The following EPC1 variants were observed in gnomAD, a reference collection of about 807,000 sequenced individuals.
EPC1 encodes the protein enhancer of polycomb homolog 1.
Under a neutral mutation model 98.4 loss-of-function variants are expected in EPC1, and 12 were observed. The observed-to-expected ratio is 0.12, with a 90% CI of 0.08 to 0.20. The LOEUF is 0.20. EPC1 is among the 10% of genes least tolerant of loss of function. The pLI, the probability that EPC1 is intolerant of heterozygous loss-of-function variation, is 1.00. For missense variants in EPC1, 729 were observed against 990.5 expected (o/e 0.74, Z 3.54); for synonymous variants, 357 against 363.9 (o/e 0.98, Z 0.21).
intron 2 of EPC1, among the ~76,000 whole-genome samples, chr10:32,296,506 G>C (rs924195622): frequency 5.3e-5 from 8 of 152,176 alleles, no homozygotes; most frequent in Admixed American, 6.5e-5. Flanking sequence ...TCTATCATAT[G>C]AATCAAGGAG....
At chr10:32,359,687 T>C (rs1839382392) in intron 1 of EPC1, among the ~76,000 whole-genome samples, 1 of 152,244 alleles carries the variant, frequency 6.6e-6, no homozygotes, top group Non-Finnish European at 1.5e-5. Context: ...ATTTTTCATA[T>C]GTACAGTATA....
chr10:32,357,240 A>G (rs911247249), intron 1 of EPC1, among the ~76,000 whole-genome samples: 3 of 152,254 alleles, frequency 2.0e-5, no homozygotes. Context: ...TGACTTCTCT[A>G]CATGAATTAC....
At chr10:32,299,832 T>C (rs530799879) in intron 2 of EPC1, among the ~76,000 whole-genome samples, 4 of 152,214 alleles carry the variant, frequency 2.6e-5, no homozygotes, top group South Asian at 4.1e-4. Context: ...GCAAATCTCC[T>C]CATCAAAATT....
rs1836595421 is a variant in EPC1 at position 32,284,912 on chromosome 10, G to C, written c.1530C>G (p.Phe510Leu). ...CTAGTATCTGACTGAGGTCTTTAGA[G>C]AAAGATTTGTCCGAGGTATTTGTTT... is the stretch of plus-strand genomic sequence containing the variant. ...TSETNTSDKS[F>L]SKDLSQILVN... The change falls in exon 10 of 14, where the codon TTC (phenylalanine) becomes TTG (leucine). Residue 510 changes from phenylalanine (F) to leucine (L), a missense_variant. Phe to Leu is a conservative substitution (Grantham distance 22). Around this residue, in one of 6 missense-constraint regions of EPC1, gnomAD observed 390 missense variants for 438.6 expected, o/e 0.89. Transcript: ENST00000319778. 6.2e-7 allele frequency: 1 copy of C among 1,614,170 alleles called. No homozygotes were observed.
At position 32,268,664 on chromosome 10, in the gene EPC1, G is replaced by C. The variant is rs3740237; in HGVS notation, c.*399C>G. ...CACGGCACAATAAATAGATAAAACAGCAGGTTCCGCACCATGCACATGATG... is the reference window on the plus strand; with the variant it reads ...CACGGCACAATAAATAGATAAAACACCAGGTTCCGCACCATGCACATGATG... On this transcript the variant is annotated 3_prime_UTR_variant, in exon 14 of 14. Coordinates refer to ENST00000319778, the MANE Select transcript of EPC1 (RefSeq NM_001272004.3). 17,606 of 153,842 alleles carry C rather than the reference G, an allele frequency of 0.11. 1,363 individuals are homozygous for C. Among genetic ancestry groups the C allele is most frequent in the South Asian group, 0.25 (1,233 of 5,028 alleles). The allele number at this position is 153,842 out of a possible 1,614,324, so 9.5% of individuals were successfully genotyped here. A position where few individuals can be genotyped will look rare whatever the true frequency, so the allele number is the denominator to read the frequency against.
chr10:32,331,828 G>C (rs902980140), intron 1 of EPC1, among the ~76,000 whole-genome samples: 15 of 152,206 alleles, frequency 9.9e-5, no homozygotes, highest in African/African-American at 3.4e-4. Flanking sequence ...TGTACAAGTA[G>C]CCTAAGCACA....
chr10:32,320,423 G>A (rs1323101944), intron 1 of EPC1, among the ~76,000 whole-genome samples: 1 of 152,140 alleles, frequency 6.6e-6, no homozygotes, highest in African/African-American at 2.4e-5. Flanking sequence ...ATCATTAAGT[G>A]TTATGTGAGG....
intron 1 of EPC1, among the ~76,000 whole-genome samples, chr10:32,338,773 T>C (rs1488592104): frequency 1.3e-5 from 2 of 151,942 alleles, no homozygotes; most frequent in Non-Finnish European, 2.9e-5. Context: ...TTCTGTAGTA[T>C]CTTGTTCCAC....
chr10:32,364,403 A>T (rs1839539018), intron 1 of EPC1, among the ~76,000 whole-genome samples: 1 of 152,132 alleles, frequency 6.6e-6, no homozygotes, highest in South Asian at 2.1e-4. Flanking sequence ...CATTTTTATA[A>T]TTAGAGTCAT....
At chr10:32,309,261 A>G (rs1295698217) in intron 1 of EPC1, among the ~76,000 whole-genome samples, 1 of 152,168 alleles carries the variant, frequency 6.6e-6, no homozygotes, top group Non-Finnish European at 1.5e-5. Context: ...CATATTTTAA[A>G]ATAACTAGAA....
intron 1 of EPC1, among the ~76,000 whole-genome samples, chr10:32,343,698 G>GGC (rs1554824225): frequency 6.6e-6 from 1 of 150,778 alleles, no homozygotes. Flanking sequence ...TTATTTTGGG[G>GGC]GGGGGGTGTA....
intron 1 of EPC1, among the ~76,000 whole-genome samples, chr10:32,311,163 A>T (rs1207749484): frequency 6.6e-6 from 1 of 152,016 alleles, no homozygotes; most frequent in Non-Finnish European, 1.5e-5. Context: ...ACAAAAAAAA[A>T]TTAGCCGGGT....
upstream of EPC1, among the ~76,000 whole-genome samples, chr10:32,348,791 C>A (rs1184196468): frequency 3.3e-5 from 5 of 152,150 alleles, no homozygotes; most frequent in Admixed American, 6.5e-5. Flanking sequence ...ATGGCAACTG[C>A]CACACGGCGA....
intron 10 of EPC1, among the ~76,000 whole-genome samples, chr10:32,278,361 GTTTTTTTTTGTTTT>G (rs551073122): frequency 0.21 from 26,050 of 121,914 alleles, 2,388 homozygotes; most frequent in South Asian, 0.33. Flanking sequence ...GTATACTTTG[GTTTTTTTTTGTTTT>G]TTTTTTTTTG....
chr10:32,292,491 A>G lies in EPC1; in HGVS notation c.815+5T>C. The G allele has an allele frequency of 6.4e-7, 1 of 1,557,476 alleles. No individual in the cohort carries two copies. The highest frequency in any genetic ancestry group is 2.3e-5 in the East Asian group (1 of 43,800). On this transcript the variant is annotated splice_donor_5th_base_variant and intron_variant, in intron 5 of 13. Coordinates refer to ENST00000319778, the MANE Select transcript of EPC1 (RefSeq NM_001272004.3). The stretch of plus-strand genomic sequence containing the variant: ...TTCCTCTAACATTATTAAAATATAC[A>G]TTACCTCTTTTCCATAATTTCCAGT...
intron 1 of EPC1, among the ~76,000 whole-genome samples, chr10:32,356,914 G>T (rs934022677): frequency 6.6e-6 from 1 of 152,172 alleles, no homozygotes; most frequent in African/African-American, 2.4e-5. Flanking sequence ...CCGGGAGGCG[G>T]AGCTTGCAGT....
intron 2 of EPC1, among the ~76,000 whole-genome samples, chr10:32,303,591 T>C (rs976726900): frequency 6.6e-6 from 1 of 152,126 alleles, no homozygotes; most frequent in East Asian, 1.9e-4. Context: ...GTAACACCCG[T>C]GAACATAATT....
At chr10:32,296,575 T>A (rs1835171209) in intron 2 of EPC1, among the ~76,000 whole-genome samples, 2 of 152,326 alleles carry the variant, frequency 1.3e-5, no homozygotes, top group African/African-American at 4.8e-5. Flanking sequence ...CTTTTGCCTC[T>A]GCAAGAGGCT....
chr10:32,272,853 T>C (rs866967367), intron 11 of EPC1, among the ~76,000 whole-genome samples: 3 of 152,304 alleles, frequency 2.0e-5, no homozygotes, highest in Middle Eastern at 3.4e-3. Context: ...TTAATAATAA[T>C]TAACATGCCC....
Sources: gnomAD v4.1 joint callset for allele counts (sites outside exome capture counted in the v4.1 genomes callset) on GRCh38, gnomAD v4.1.1 for gene constraint, gnomAD v4.1.1 regional missense constraint, MANE v1.5 for transcripts, NCBI Gene and HGNC (gene_info 2026-07-23, HGNC 2026-07-21) for gene names.